The following WBP4 variants were observed in gnomAD, a reference collection of about 807,000 sequenced individuals.
The protein encoded by WBP4 is WW domain binding protein 4.
In WBP4, 37 loss-of-function variants were observed where a neutral mutation model predicts 55.4. The observed-to-expected ratio is 0.67, with a 90% CI of 0.51 to 0.88. The LOEUF (loss-of-function observed/expected upper bound fraction) is 0.88, where lower values mean the gene tolerates loss of function less well. WBP4 is among the 40% of genes least tolerant of loss of function. The pLI is 0.00. For synonymous variants in WBP4, 142 were observed against 140.2 expected, an observed-to-expected ratio of 1.01 and a Z score of -0.09; for missense variants, 398 against 420.8, an observed-to-expected ratio of 0.95 and a Z score of 0.47.
In WBP4 at chr13:41,072,814, A is replaced by C. The variant is rs1878309275; in HGVS notation, c.519A>C (p.Leu173Phe). Reference sequence around the variant, plus strand: ...TGAAGACCGTTTGGGTAGAAGGTTTAAGTGAAGATGGTTTTACCTATTACT... The same window carrying C: ...TGAAGACCGTTTGGGTAGAAGGTTTCAGTGAAGATGGTTTTACCTATTACT... The part of the protein sequence containing the change: ...TAVKTVWVEG[L>F]SEDGFTYYYN... The change falls in exon 7 of 10, where the codon TTA becomes TTC. Residue 173 changes from leucine (L) to phenylalanine (F), a missense_variant. Coordinates refer to ENST00000379487, the MANE Select transcript of WBP4 (RefSeq NM_007187.5). 1 of 1,613,802 alleles carries C rather than the reference A, an allele frequency of 6.2e-7. No individual in the cohort carries two copies. Among genetic ancestry groups the C allele is most frequent in the Non-Finnish European group, 8.5e-7 (1 of 1,179,836 alleles).
chr13:41,063,021 A>G (rs1018966044), intron 2 of WBP4, among the ~76,000 whole-genome samples: 1 of 152,204 alleles, frequency 6.6e-6, no homozygotes, highest in South Asian at 2.1e-4. Flanking sequence ...TAATACTGTC[A>G]TACCCAAAGA....
At chr13:41,067,251 A>G (rs1334684339) in intron 4 of WBP4, among the ~76,000 whole-genome samples, 1 of 152,142 alleles carries the variant, frequency 6.6e-6, no homozygotes, top group Non-Finnish European at 1.5e-5. Context: ...ACTGTCCCCC[A>G]CCAAAACTAC....
intron 8 of WBP4, among the ~76,000 whole-genome samples, chr13:41,077,894 G>T (rs752630088): frequency 6.6e-6 from 1 of 151,280 alleles, no homozygotes; most frequent in African/African-American, 2.4e-5. Context: ...AATCCCATTT[G>T]TGGTAACTAC....
At chr13:41,074,121 C>T (rs1295534035) in intron 7 of WBP4, among the ~76,000 whole-genome samples, 8 of 151,778 alleles carry the variant, frequency 5.3e-5, no homozygotes, top group Non-Finnish European at 1.0e-4. Flanking sequence ...TTAGTAGAGA[C>T]GGGGTTTCAC....
At chr13:41,078,389 G>A (rs1232498148) in intron 8 of WBP4, among the ~76,000 whole-genome samples, 1 of 152,054 alleles carries the variant, frequency 6.6e-6, no homozygotes, top group Non-Finnish European at 1.5e-5. Context: ...TATACACTGG[G>A]GAAGGGATAC....
chr13:41,076,322 A>G (rs1878491777), intron 8 of WBP4, 85 bp downstream of exon 8: 1 of 1,084,214 alleles, frequency 9.2e-7, no homozygotes, highest in Non-Finnish European at 1.2e-6. Context: ...TTCTGTCCCC[A>G]GGCTGGAGTA....
chr13:41,063,010 A>G (rs1007121882), intron 2 of WBP4, among the ~76,000 whole-genome samples: 3 of 152,194 alleles, frequency 2.0e-5, no homozygotes, highest in Non-Finnish European at 4.4e-5. Flanking sequence ...GGTGGTGTTC[A>G]TAATACTGTC....
intron 5 of WBP4, among the ~76,000 whole-genome samples, chr13:41,069,942 C>CT (rs1297229189): frequency 6.6e-6 from 1 of 150,904 alleles, no homozygotes; most frequent in African/African-American, 2.4e-5. Context: ...TCAAAAACAT[C>CT]TTTTTTTGTT....
At position 41,079,713 on chromosome 13, in the gene WBP4, T is replaced by A. The variant is rs548535326; in HGVS notation, c.757-933T>A. 2.6e-5 allele frequency among the ~76,000 whole-genome samples: 4 copies of A among 152,268 alleles called. No individual in the cohort carries two copies. The East Asian group carries it at 7.7e-4, about 29-fold the overall frequency. ...TCAATCCAGCAGTCCCACTTCTGAG[T>A]ATCTACCCAAAGGAAAAGAAATCAT... On this transcript the variant is annotated intron_variant, in intron 8 of 9. Transcript: ENST00000379487.
chr13:41,062,745 A>G (rs762002355), intron 2 of WBP4, 29 bp downstream of exon 2: 2 of 1,587,864 alleles, frequency 1.3e-6, no homozygotes, highest in East Asian at 2.3e-5. Flanking sequence ...TAGAGATTCT[A>G]ATAATAATTG....
chr13:41,064,057 A>G (rs1043988344), intron 2 of WBP4, among the ~76,000 whole-genome samples: 3 of 151,018 alleles, frequency 2.0e-5, no homozygotes, highest in African/African-American at 7.3e-5. Flanking sequence ...ATCACTCCCC[A>G]TAGGTTATCA....
At chr13:41,073,328 A>T (rs955626668) in intron 7 of WBP4, among the ~76,000 whole-genome samples, 1 of 152,080 alleles carries the variant, frequency 6.6e-6, no homozygotes, top group African/African-American at 2.4e-5. Context: ...CAACCTGACC[A>T]ACATGGTGAA....
chr13:41,061,994 C>G (rs1354792130), intron 1 of WBP4: 19 of 966,060 alleles, frequency 2.0e-5, no homozygotes, highest in Non-Finnish European at 2.3e-5. Context: ...GCATGCACCC[C>G]TTGGGTTTCC....
chr13:41,061,787 C>A (rs1409890597), intron 1 of WBP4, 112 bp downstream of exon 1: 2 of 1,546,008 alleles, frequency 1.3e-6, no homozygotes, highest in East Asian at 4.6e-5. Flanking sequence ...GCGTGACAGA[C>A]GCGTTCTTAA....
chr13:41,081,371 C>T (rs1053985987), intron 9 of WBP4, among the ~76,000 whole-genome samples: 1 of 151,326 alleles, frequency 6.6e-6, no homozygotes, highest in Non-Finnish European at 1.5e-5. Flanking sequence ...TAGTGGCACA[C>T]ATCATGTTCC....
chr13:41,062,635 C>G lies in WBP4; in HGVS notation c.3-9C>G, dbSNP rs1253716578. 1 of 1,612,612 alleles carries G rather than the reference C, an allele frequency of 6.2e-7. No homozygotes were observed. The highest frequency in any genetic ancestry group is 1.3e-5 in the African/African-American group (1 of 74,968). Reference sequence around the variant, plus strand: ...ACATGAGCTTAGCCTTGTTGTCTCTCTTTTTCAGGGCGGACTACTGGAAGT... The same window carrying G: ...ACATGAGCTTAGCCTTGTTGTCTCTGTTTTTCAGGGCGGACTACTGGAAGT... On this transcript the variant is annotated splice_polypyrimidine_tract_variant and intron_variant, in intron 1 of 9. Coordinates refer to ENST00000379487, the MANE Select transcript of WBP4 (RefSeq NM_007187.5).
chr13:41,069,320 G>A (rs1878125328), intron 5 of WBP4, among the ~76,000 whole-genome samples: 1 of 151,926 alleles, frequency 6.6e-6, no homozygotes, highest in Non-Finnish European at 1.5e-5. Flanking sequence ...TTGAGGTCAG[G>A]AGTTCAAGAC....
At position 41,071,587 on chromosome 13, in the gene WBP4, AT is replaced by A. The variant is rs1566211051; in HGVS notation, c.486+16del. 1 of 1,599,030 alleles carries A rather than the reference AT, an allele frequency of 6.3e-7. No individual in the cohort carries two copies. Among genetic ancestry groups the A allele is most frequent in the South Asian group, 1.1e-5 (1 of 87,580 alleles). Reference sequence around the variant, plus strand: ...GACTTAAAAAAGGTAATTGAAGCATATTAATAGTGTTTTTGTTTTATTCTTT... The same window carrying A: ...GACTTAAAAAAGGTAATTGAAGCATATAATAGTGTTTTTGTTTTATTCTTT... On this transcript the variant is annotated intron_variant, in intron 6 of 9. Transcript: ENST00000379487.
At chr13:41,078,541 A>G (rs1878602792) in intron 8 of WBP4, among the ~76,000 whole-genome samples, 1 of 152,152 alleles carries the variant, frequency 6.6e-6, no homozygotes, top group Non-Finnish European at 1.5e-5. Context: ...AAAACCCTAG[A>G]AGGAGGCCAG....
Sources: gnomAD v4.1 joint callset for allele counts (sites outside exome capture counted in the v4.1 genomes callset) on GRCh38, gnomAD v4.1.1 for gene constraint, MANE v1.5 for transcripts, NCBI Gene and HGNC (gene_info 2026-07-23, HGNC 2026-07-21) for gene names.